POLD3: variants seen among roughly 807,000 people sequenced by gnomAD.
POLD3 encodes the protein DNA polymerase delta 3, accessory subunit, also known as DNA polymerase delta subunit 3.
POLD3 carries 19 observed loss-of-function variants against 58.2 expected under a neutral mutation model. The observed-to-expected ratio is 0.33, with a 90% CI of 0.23 to 0.48. The LOEUF (loss-of-function observed/expected upper bound fraction) is 0.48. POLD3 is among the 20% of genes least tolerant of loss of function. The probability of loss-of-function intolerance (pLI) is 0.99; values close to 1 mark genes in which losing one functional copy is unlikely to be tolerated. For synonymous variants in POLD3, 172 were observed against 193.5 expected, an observed-to-expected ratio of 0.89 and a Z score of 0.92; for missense variants, 504 against 545.5, an observed-to-expected ratio of 0.92 and a Z score of 0.76.
intron 4 of POLD3, among the ~76,000 whole-genome samples, chr11:74,657,668 T>C (rs2033154062): frequency 6.6e-6 from 1 of 152,238 alleles, no homozygotes; most frequent in East Asian, 1.9e-4. Context: ...TCTTTCTGCT[T>C]AAGAGTAGAT....
chr11:74,622,091 A>G (rs59768581), intron 7 of POLD3, among the ~76,000 whole-genome samples: 60,732 of 147,896 alleles, frequency 0.41, 13,347 homozygotes, highest in Non-Finnish European at 0.51. Flanking sequence ...TCATTGTTCA[A>G]TTCCCACCTA....
rs959495325 is a variant in POLD3 at position 74,610,441 on chromosome 11, C to T, written c.220-1058C>T. Reference sequence around the variant, plus strand: ...GACGAGGGAGGTCTCCATCTCTTGACCTCGTGATCTGCCTGCCTCGGCCTC... The same window carrying T: ...GACGAGGGAGGTCTCCATCTCTTGATCTCGTGATCTGCCTGCCTCGGCCTC... On this transcript the variant is annotated intron_variant, in intron 3 of 11. Coordinates refer to ENST00000263681, the MANE Select transcript of POLD3 (RefSeq NM_006591.3). 6.6e-5 allele frequency among the ~76,000 whole-genome samples: 10 copies of T among 152,230 alleles called. 1 individual carries two copies. The highest frequency in any genetic ancestry group is 6.8e-3 in the Middle Eastern group (2 of 294).
intron 11 of POLD3, among the ~76,000 whole-genome samples, chr11:74,638,018 T>G (rs1234934227): frequency 6.6e-6 from 1 of 152,088 alleles, no homozygotes; most frequent in East Asian, 1.9e-4. Context: ...CAGCAGAAAT[T>G]GGGTAGTTGG....
intron 4 of POLD3, among the ~76,000 whole-genome samples, chr11:74,668,046 T>C (rs2033293864): frequency 1.3e-5 from 2 of 152,210 alleles, no homozygotes; most frequent in Admixed American, 6.5e-5. Context: ...TTACACCCAC[T>C]AGAATTGCTG....
intron 2 of POLD3, chr11:74,595,643 A>T (rs2031216361): frequency 6.6e-6 from 1 of 152,156 alleles, no homozygotes. Flanking sequence ...TTGAGACAGG[A>T]TGTCACTCTG....
intron 4 of POLD3, chr11:74,652,980 T>G (rs941489099): frequency 2.0e-5 from 3 of 152,694 alleles, no homozygotes; most frequent in Non-Finnish European, 4.4e-5. Context: ...TGCTGTGCTG[T>G]CAGTGGTGTA....
chr11:74,639,504 C>T (rs1479887341), intron 11 of POLD3, among the ~76,000 whole-genome samples: 1 of 152,236 alleles, frequency 6.6e-6, no homozygotes, highest in Non-Finnish European at 1.5e-5. Flanking sequence ...TCTTTTCCTT[C>T]AATGTTTCTC....
Position 74,641,512 on chromosome 11 carries a change from A to T in POLD3, c.*746A>T, listed in dbSNP as rs557892510. 380 of 985,448 alleles carry T rather than the reference A, an allele frequency of 3.9e-4. 3 individuals are homozygous for T. The African/African-American group carries it at 6.4e-3, about 17-fold the overall frequency. 61.0% of individuals were successfully genotyped at this position (985,448 alleles called of 1,614,324 possible). A position where few individuals can be genotyped will look rare whatever the true frequency, so the allele number is the denominator to read the frequency against. On this transcript the variant is annotated 3_prime_UTR_variant, in exon 12 of 12. Transcript: ENST00000263681. ...CCACCAGAAATTACCTCGAGTCAGC[A>T]TTGACGATATTGGAGGAGCTGCCGT... is the stretch of plus-strand genomic sequence containing the variant.
Position 74,619,688 on chromosome 11 carries a change from G to A in POLD3, c.661-329G>A, listed in dbSNP as rs548076435. ...AAAATGTAATGTTTTAGGTTTTCCC[G>A]CTTTGTGTACATACTGCCTCTGATC... is the stretch of plus-strand genomic sequence containing the variant. On this transcript the variant is annotated intron_variant, in intron 6 of 11. Transcript: ENST00000263681. 1.2e-4 allele frequency among the ~76,000 whole-genome samples: 18 copies of A among 152,254 alleles called. 1 individual carries two copies. The highest frequency in any genetic ancestry group is 4.1e-4 in the African/African-American group (17 of 41,570).
chr11:74,663,850 G>A (rs1270299616), intron 4 of POLD3, among the ~76,000 whole-genome samples: 1 of 152,072 alleles, frequency 6.6e-6, no homozygotes, highest in African/African-American at 2.4e-5. Flanking sequence ...TTATCACCAT[G>A]CATATATCTC....
chr11:74,631,095 T>C (rs1326191194), intron 9 of POLD3, among the ~76,000 whole-genome samples: 1 of 152,236 alleles, frequency 6.6e-6, no homozygotes, highest in Admixed American at 6.5e-5. Context: ...TTCTTAAATT[T>C]CATCTTTGTA....
intron 4 of POLD3, chr11:74,652,569 T>C (rs1433310502): frequency 2.0e-5 from 3 of 152,190 alleles, no homozygotes; most frequent in African/African-American, 7.2e-5. Flanking sequence ...AGGAAGAAGA[T>C]GAAGCTATAG....
At chr11:74,596,146 T>C (rs915895193) in intron 2 of POLD3, among the ~76,000 whole-genome samples, 1 of 150,808 alleles carries the variant, frequency 6.6e-6, no homozygotes, top group East Asian at 1.9e-4. Flanking sequence ...GGATTACAGA[T>C]ACAAGCCACT....
intron 5 of POLD3, among the ~76,000 whole-genome samples, chr11:74,613,896 A>G (rs1377238952): frequency 6.6e-6 from 1 of 152,146 alleles, no homozygotes; most frequent in African/African-American, 2.4e-5. Flanking sequence ...CCACTTTTGG[A>G]TGGATAGAGT....
chr11:74,619,939 A>C, intron 6 of POLD3, 78 bp from the exon 7 acceptor site: 1 of 1,081,626 alleles, frequency 9.2e-7, no homozygotes. Flanking sequence ...TTTGCTATAG[A>C]AGAGTTTGTT....
At chr11:74,625,756 T>TA (rs1267464885) in intron 8 of POLD3, among the ~76,000 whole-genome samples, 183 bp downstream of exon 8, 1 of 152,116 alleles carries the variant, frequency 6.6e-6, no homozygotes, top group African/African-American at 2.4e-5. Context: ...AGTAGGACCG[T>TA]AGGATCAGCC....
intron 4 of POLD3, among the ~76,000 whole-genome samples, chr11:74,656,990 T>C (rs1018222739): frequency 1.3e-5 from 2 of 152,172 alleles, no homozygotes; most frequent in African/African-American, 4.8e-5. Context: ...ATATTTACAA[T>C]TGTTATATCC....
intron 11 of POLD3, chr11:74,638,672 C>A (rs963647469): frequency 2.2e-6 from 1 of 455,932 alleles, no homozygotes. Context: ...AATTGCTGAA[C>A]GAATAGGTAT....
At chr11:74,606,060 GGGTGATATAAAA>G (rs891043018) in intron 3 of POLD3, among the ~76,000 whole-genome samples, 4 of 152,200 alleles carry the variant, frequency 2.6e-5, no homozygotes, top group African/African-American at 7.2e-5. Flanking sequence ...ACTCCAGCTT[GGGTGATATAAAA>G]TAAAACTGGA....
Sources: allele counts gnomAD v4.1 joint callset (sites outside exome capture counted in the v4.1 genomes callset), GRCh38; gene constraint gnomAD v4.1.1; transcripts MANE v1.5; gene names NCBI Gene and HGNC (gene_info 2026-07-23, HGNC 2026-07-21).